The following ADAMTS3 variants were observed in gnomAD, a reference collection of about 807,000 sequenced individuals.
ADAMTS3 encodes A disintegrin and metalloproteinase with thrombospondin motifs 3.
ADAMTS3 carries 73 observed loss-of-function variants against 129.0 expected under a neutral mutation model. That is an observed-to-expected ratio of 0.57 (90% confidence interval 0.47 to 0.69). The LOEUF is 0.69. Ranked by LOEUF, ADAMTS3 falls within the 30% of genes least tolerant of loss-of-function variation. The probability of loss-of-function intolerance (pLI) is 0.00; values close to 1 mark genes in which losing one functional copy is unlikely to be tolerated. For missense variants in ADAMTS3, 1,457 were observed against 1,514.5 expected, an observed-to-expected ratio of 0.96 and a Z score of 0.63; for synonymous variants, 477 against 510.8, an observed-to-expected ratio of 0.93 and a Z score of 0.89.
chr4:72,496,873 A>C (rs1719886135), intron 3 of ADAMTS3, among the ~76,000 whole-genome samples: 1 of 152,060 alleles, frequency 6.6e-6, no homozygotes, highest in South Asian at 2.1e-4. Flanking sequence ...CTGACTTATA[A>C]AAATAAACAT....
chr4:72,415,985 T>C (rs1722294400), intron 3 of ADAMTS3, among the ~76,000 whole-genome samples: 1 of 151,702 alleles, frequency 6.6e-6, no homozygotes, highest in Admixed American at 6.6e-5. Flanking sequence ...TGCCATATTT[T>C]TTCTCAAACC....
intron 3 of ADAMTS3, among the ~76,000 whole-genome samples, chr4:72,515,824 GA>G (rs1413233286): frequency 1.3e-5 from 2 of 151,996 alleles, no homozygotes; most frequent in African/African-American, 4.8e-5. Flanking sequence ...TTGCTGTGCA[GA>G]AGCTCTTTAG....
At chr4:72,495,031 G>A (rs1050011304) in intron 3 of ADAMTS3, among the ~76,000 whole-genome samples, 1 of 152,176 alleles carries the variant, frequency 6.6e-6, no homozygotes, top group Non-Finnish European at 1.5e-5. Context: ...TTTAGCACCA[G>A]GTCTGACATG....
rs112195912 is a variant in ADAMTS3, at chr4:72,535,925, C to A, written c.504+12553G>T. On this transcript the variant is annotated intron_variant, in intron 3 of 21. Coordinates refer to ENST00000286657, the MANE Select transcript of ADAMTS3 (RefSeq NM_014243.3). ...AGATTCCTAACTTAAAATATTTGACCAAAACAAAAAGCCTGAGACAAATGT... is the reference window on the plus strand; with the variant it reads ...AGATTCCTAACTTAAAATATTTGACAAAAACAAAAAGCCTGAGACAAATGT... Among the ~76,000 whole-genome samples the A allele has an allele frequency of 5.6e-3, 858 of 152,114 alleles. 8 individuals carry two copies. The highest frequency in any genetic ancestry group is 0.02 in the African/African-American group (822 of 41,482).
intron 4 of ADAMTS3, among the ~76,000 whole-genome samples, chr4:72,380,963 C>A (rs937295268): frequency 2.6e-5 from 4 of 152,132 alleles, no homozygotes; most frequent in Non-Finnish European, 4.4e-5. Context: ...ATCTAATTAA[C>A]TAATACGACT....
At chr4:72,327,350 T>C (rs1030173386) in intron 5 of ADAMTS3, among the ~76,000 whole-genome samples, 1 of 152,146 alleles carries the variant, frequency 6.6e-6, no homozygotes. Context: ...TTACAACTTT[T>C]AGTGAAAAGG....
At chr4:72,531,380 T>G (rs184679763) in intron 3 of ADAMTS3, among the ~76,000 whole-genome samples, 132 of 152,224 alleles carry the variant, frequency 8.7e-4, no homozygotes, top group Middle Eastern at 3.4e-3. Flanking sequence ...CAAGTGGAGA[T>G]GCTGAATTGG....
chr4:72,518,342 G>A (rs1203781867), intron 3 of ADAMTS3, among the ~76,000 whole-genome samples: 1 of 152,198 alleles, frequency 6.6e-6, no homozygotes, highest in Non-Finnish European at 1.5e-5. Flanking sequence ...TTCTGTAGAT[G>A]TCTATTAGGT....
At chr4:72,335,431 CA>C (rs1187088577) in intron 5 of ADAMTS3, among the ~76,000 whole-genome samples, 3 of 152,020 alleles carry the variant, frequency 2.0e-5, no homozygotes, top group African/African-American at 7.2e-5. Flanking sequence ...TTTAAAACAA[CA>C]GATAAACCAA....
At chr4:72,343,161 C>T (rs1483418556) in intron 4 of ADAMTS3, among the ~76,000 whole-genome samples, 2 of 152,146 alleles carry the variant, frequency 1.3e-5, no homozygotes, top group Middle Eastern at 3.4e-3. Flanking sequence ...GCTGGCCATC[C>T]CACCCTAATC....
At chr4:72,518,113 A>G (rs1490156260) in intron 3 of ADAMTS3, among the ~76,000 whole-genome samples, 15 of 152,022 alleles carry the variant, frequency 9.9e-5, no homozygotes, top group Non-Finnish European at 1.9e-4. Context: ...TCATTCAGGA[A>G]CAGGTTGTTC....
At chr4:72,407,067 C>T (rs1447917182) in intron 4 of ADAMTS3, among the ~76,000 whole-genome samples, 2 of 152,090 alleles carry the variant, frequency 1.3e-5, no homozygotes, top group Admixed American at 1.3e-4. Context: ...AACAACATAT[C>T]CCAGCCTGAT....
Position 72,511,609 on chromosome 4 carries a change from T to C in ADAMTS3, c.504+36869A>G, listed in dbSNP as rs76892121. On this transcript the variant is annotated intron_variant, in intron 3 of 21. Coordinates refer to ENST00000286657, the MANE Select transcript of ADAMTS3 (RefSeq NM_014243.3). Reference sequence around the variant, plus strand: ...AAAATGACTTATACCCAAATGGCAGTAACAAATGCTAGTGAGGATGTGGAG... The same window carrying C: ...AAAATGACTTATACCCAAATGGCAGCAACAAATGCTAGTGAGGATGTGGAG... 4.7e-3 allele frequency among the ~76,000 whole-genome samples: 713 copies of C among 152,078 alleles called. 2 individuals carry two copies. Among genetic ancestry groups the C allele is most frequent in the African/African-American group, 0.016 (670 of 41,560 alleles).
intron 4 of ADAMTS3, among the ~76,000 whole-genome samples, chr4:72,385,778 A>C (rs992403778): frequency 2.6e-5 from 4 of 152,192 alleles, no homozygotes; most frequent in Non-Finnish European, 2.9e-5. Flanking sequence ...GATGGGTTCC[A>C]TTCTACCCTA....
rs189529752 is a variant in ADAMTS3 at position 72,536,505 on chromosome 4, A to G, written c.504+11973T>C. Among the ~76,000 whole-genome samples the G allele has an allele frequency of 1.3e-4, 20 of 152,328 alleles. No homozygotes were observed. In the East Asian group the frequency reaches 3.9e-3, roughly 29 times the overall value. The stretch of plus-strand genomic sequence containing the variant: ...AAAACAAATCATTGTAAATGGAAAA[A>G]GAAGAGGATTTCAGTAACATTGATT... On this transcript the variant is annotated intron_variant, in intron 3 of 21. Transcript: ENST00000286657.
At chr4:72,426,018 T>C (rs1239133345) in intron 3 of ADAMTS3, among the ~76,000 whole-genome samples, 2 of 152,200 alleles carry the variant, frequency 1.3e-5, no homozygotes, top group African/African-American at 2.4e-5. Flanking sequence ...TTTTTAATGA[T>C]TGCCATTCTA....
chr4:72,479,247 GC>G (rs1305403478), intron 3 of ADAMTS3, among the ~76,000 whole-genome samples: 1 of 152,124 alleles, frequency 6.6e-6, no homozygotes, highest in Non-Finnish European at 1.5e-5. Flanking sequence ...TCAATCCTAA[GC>G]CAAAAGAACA....
intron 3 of ADAMTS3, among the ~76,000 whole-genome samples, chr4:72,539,523 A>C: frequency 6.6e-6 from 1 of 151,762 alleles, no homozygotes; most frequent in Admixed American, 6.6e-5. Context: ...ACAGAAAATA[A>C]CAAGTGTTCA....
At chr4:72,307,996 A>C (rs886754594) in intron 15 of ADAMTS3, among the ~76,000 whole-genome samples, 38 of 152,094 alleles carry the variant, frequency 2.5e-4, no homozygotes, top group African/African-American at 8.2e-4. Context: ...ATTATACATA[A>C]TATACAATGA....
Sources: gnomAD v4.1 joint callset for allele counts (sites outside exome capture counted in the v4.1 genomes callset) on GRCh38, gnomAD v4.1.1 for gene constraint, MANE v1.5 for transcripts, NCBI Gene and HGNC (gene_info 2026-07-23, HGNC 2026-07-21) for gene names.